Variants in LIN28B observed in about 807,000 individuals in gnomAD.
The protein encoded by LIN28B is protein lin-28 homolog B.
Under a neutral mutation model 21.9 loss-of-function variants are expected in LIN28B, and 5 were observed. The observed-to-expected ratio is 0.23, with a 90% confidence interval of 0.12 to 0.48. The LOEUF (loss-of-function observed/expected upper bound fraction) is 0.48. LIN28B is among the 20% of genes least tolerant of loss of function. The pLI is 0.98. For synonymous variants in LIN28B, 109 were observed against 111.3 expected, an observed-to-expected ratio of 0.98 and a Z score of 0.13; for missense variants, 245 against 310.5, an observed-to-expected ratio of 0.79 and a Z score of 1.58.
At chr6:104,995,915 T>G (rs1770589790) in intron 2 of LIN28B, among the ~76,000 whole-genome samples, 1 of 151,224 alleles carries the variant, frequency 6.6e-6, no homozygotes, top group South Asian at 2.1e-4. Context: ...AACTATGTCT[T>G]CTGAGTAAGG....
Position 104,957,152 on chromosome 6 carries a change from C to T in LIN28B, c.-99C>T. The T allele has an allele frequency of 6.2e-7, 1 of 1,610,946 alleles. No individual in the cohort carries two copies. The highest frequency in any genetic ancestry group is 2.2e-5 in the East Asian group (1 of 44,630). ...AGACCATGCGAGCTAAATTTGTGATCGCACAAAATCAAGATGTTAGATTGA... is the reference window on the plus strand; with the variant it reads ...AGACCATGCGAGCTAAATTTGTGATTGCACAAAATCAAGATGTTAGATTGA... On this transcript the variant is annotated 5_prime_UTR_variant, in exon 1 of 4. Coordinates refer to ENST00000345080, the MANE Select transcript of LIN28B (RefSeq NM_001004317.4).
chr6:104,938,732 C>G (rs1339037509), intron 2 of LIN28B, among the ~76,000 whole-genome samples: 2 of 152,012 alleles, frequency 1.3e-5, no homozygotes, highest in Non-Finnish European at 2.9e-5. Flanking sequence ...TCATTCATTT[C>G]TAATCATGCT....
chr6:104,984,496 C>G (rs1198714563), intron 2 of LIN28B, among the ~76,000 whole-genome samples: 1 of 151,582 alleles, frequency 6.6e-6, no homozygotes, highest in African/African-American at 2.4e-5. Flanking sequence ...CACTGTGTCA[C>G]CCAGCCTGAG....
intron 2 of LIN28B, among the ~76,000 whole-genome samples, chr6:104,963,618 G>A (rs1164817012): frequency 6.6e-6 from 1 of 152,108 alleles, no homozygotes; most frequent in Non-Finnish European, 1.5e-5. Flanking sequence ...AAATTAAGAG[G>A]AAAATACATA....
intron 2 of LIN28B, among the ~76,000 whole-genome samples, chr6:105,016,173 C>T (rs1283992760): frequency 6.6e-6 from 1 of 151,924 alleles, no homozygotes; most frequent in Non-Finnish European, 1.5e-5. Context: ...CATAAAAGCA[C>T]CCATTTCTTG....
At chr6:105,050,155 A>G (rs1771867732) in intron 3 of LIN28B, among the ~76,000 whole-genome samples, 1 of 152,092 alleles carries the variant, frequency 6.6e-6, no homozygotes, top group South Asian at 2.1e-4. Context: ...GTTCCTTTCC[A>G]TGTTTAGTGC....
At chr6:105,022,712 G>T (rs988607477) in intron 2 of LIN28B, among the ~76,000 whole-genome samples, 2 of 152,118 alleles carry the variant, frequency 1.3e-5, no homozygotes, top group African/African-American at 4.8e-5. Flanking sequence ...GGGGAAAAGG[G>T]GTTCTGGTTC....
At chr6:104,972,908 C>T (rs549936988) in intron 2 of LIN28B, among the ~76,000 whole-genome samples, 3 of 152,016 alleles carry the variant, frequency 2.0e-5, no homozygotes, top group African/African-American at 4.8e-5. Flanking sequence ...GTCAGGAGTT[C>T]GAGACCTGCC....
intron 2 of LIN28B, among the ~76,000 whole-genome samples, chr6:104,997,294 AAG>A (rs1328174422): frequency 6.8e-6 from 1 of 147,354 alleles, no homozygotes; most frequent in African/African-American, 2.5e-5. Context: ...AAAAAAAAAA[AAG>A]AAAAGAAAAA....
At chr6:105,040,103 A>T (rs1219838586) in intron 3 of LIN28B, among the ~76,000 whole-genome samples, 1 of 152,130 alleles carries the variant, frequency 6.6e-6, no homozygotes, top group Non-Finnish European at 1.5e-5. Context: ...AAATTATTAT[A>T]TCAAAAATGT....
At chr6:104,989,503 G>T (rs202091291) in intron 2 of LIN28B, among the ~76,000 whole-genome samples, 1 of 150,928 alleles carries the variant, frequency 6.6e-6, no homozygotes, top group Non-Finnish European at 1.5e-5. Flanking sequence ...GATTACAGGC[G>T]TGAGCCACCA....
At chr6:104,980,456 CAGG>C (rs1770196001) in intron 2 of LIN28B, among the ~76,000 whole-genome samples, 1 of 152,100 alleles carries the variant, frequency 6.6e-6, no homozygotes, top group Non-Finnish European at 1.5e-5. Flanking sequence ...ATGGAGTTCC[CAGG>C]AGGCCCTCTC....
intron 3 of LIN28B, among the ~76,000 whole-genome samples, chr6:105,062,234 A>C (rs911120808): frequency 6.6e-6 from 1 of 152,084 alleles, no homozygotes; most frequent in African/African-American, 2.4e-5. Flanking sequence ...TTTAAGTACT[A>C]TGTTGCAGCC....
At chr6:105,042,345 C>A (rs1771655794) in intron 3 of LIN28B, among the ~76,000 whole-genome samples, 1 of 152,174 alleles carries the variant, frequency 6.6e-6, no homozygotes, top group African/African-American at 2.4e-5. Flanking sequence ...AGTTGATATA[C>A]CACTTCCTTC....
At chr6:104,952,757 G>A (rs1230021329), upstream of LIN28B, among the ~76,000 whole-genome samples, 20 of 152,046 alleles carry the variant, frequency 1.3e-4, no homozygotes, top group Non-Finnish European at 2.9e-5. Context: ...ATGCTAATCC[G>A]TTTCTGTATT....
intron 2 of LIN28B, among the ~76,000 whole-genome samples, chr6:105,002,429 A>G (rs894723693): frequency 3.9e-5 from 6 of 152,186 alleles, no homozygotes; most frequent in Admixed American, 1.3e-4. Context: ...TTTGCAGACT[A>G]CCTCAGATTG....
At position 104,958,172 on chromosome 6, in the gene LIN28B, G is replaced by A. The variant is rs547337635; in HGVS notation, c.84G>A (p.Leu28=). The A allele has an allele frequency of 6.2e-7, 1 of 1,608,120 alleles. No homozygotes were observed. The highest frequency in any genetic ancestry group is 1.3e-5 in the African/African-American group (1 of 74,920). Residue 28 remains leucine, a synonymous_variant, in exon 2 of 4, where the codon TTG becomes TTA. Coordinates refer to ENST00000345080, the MANE Select transcript of LIN28B (RefSeq NM_001004317.4). The part of the protein sequence containing the change: ...PEPAEEESQV[L]RGTGHCKWFN... ...CGGCAGAGGAGGAATCCCAGGTTTT[G>A]CGCGGAACTGGCCACTGTAAGTGGT... is the stretch of plus-strand genomic sequence containing the variant.
intron 3 of LIN28B, among the ~76,000 whole-genome samples, chr6:105,074,549 CTT>C (rs568697962): frequency 6.6e-6 from 1 of 152,052 alleles, no homozygotes; most frequent in Non-Finnish European, 1.5e-5. Context: ...AAAATGTTGA[CTT>C]TGATTTGATT....
intron 2 of LIN28B, among the ~76,000 whole-genome samples, chr6:105,013,856 T>A (rs1770972251): frequency 6.6e-6 from 1 of 152,196 alleles, no homozygotes; most frequent in South Asian, 2.1e-4. Flanking sequence ...AATCATTTAT[T>A]TGTAATATTT....
Sources: allele counts gnomAD v4.1 joint callset (sites outside exome capture counted in the v4.1 genomes callset), GRCh38; gene constraint gnomAD v4.1.1; transcripts MANE v1.5; gene names NCBI Gene and HGNC (gene_info 2026-07-23, HGNC 2026-07-21).